SPOCK3: variants seen among roughly 807,000 people sequenced by gnomAD.
SPOCK3 encodes SPARC (osteonectin), cwcv and kazal like domains proteoglycan 3.
SPOCK3 carries 30 observed loss-of-function variants against 56.6 expected under a neutral mutation model. The ratio of observed to expected loss-of-function variants is 0.53; its 90% CI spans 0.40 to 0.72. The LOEUF is 0.72. Among genes scored for constraint, SPOCK3 ranks in the 30% least tolerant of loss-of-function variants. SPOCK3 has a pLI of 0.00. For synonymous variants in SPOCK3, 196 were observed against 183.3 expected (o/e 1.07, Z -0.56); for missense variants, 527 against 530.0 (o/e 0.99, Z 0.06).
At chr4:167,135,928 A>G (rs191736480) in intron 2 of SPOCK3, among the ~76,000 whole-genome samples, 3 of 152,266 alleles carry the variant, frequency 2.0e-5, no homozygotes, top group Admixed American at 1.3e-4. Context: ...CCTATGAAGA[A>G]TAGACCATTT....
intron 3 of SPOCK3, among the ~76,000 whole-genome samples, chr4:167,049,265 C>T (rs545510951): frequency 3.9e-5 from 6 of 151,982 alleles, no homozygotes; most frequent in African/African-American, 1.4e-4. Flanking sequence ...AAAAAAGGTT[C>T]AAAACTGAAT....
intron 2 of SPOCK3, among the ~76,000 whole-genome samples, chr4:167,217,288 A>T (rs1308068957): frequency 6.6e-6 from 1 of 151,996 alleles, no homozygotes; most frequent in Admixed American, 6.6e-5. Context: ...CATTCAACCA[A>T]CCACAGGCTG....
intron 2 of SPOCK3, among the ~76,000 whole-genome samples, chr4:167,160,931 C>A (rs1378692578): frequency 6.6e-6 from 1 of 152,018 alleles, no homozygotes; most frequent in Non-Finnish European, 1.5e-5. Flanking sequence ...GACCTAAAAC[C>A]ATAAAAATCC....
intron 5 of SPOCK3, among the ~76,000 whole-genome samples, chr4:166,892,658 C>G (rs991803770): frequency 2.6e-5 from 4 of 152,074 alleles, no homozygotes; most frequent in African/African-American, 9.6e-5. Flanking sequence ...GCTCATTAGT[C>G]TATAATTACC....
At chr4:166,753,432 T>A (rs770435363) in intron 8 of SPOCK3, among the ~76,000 whole-genome samples, 1 of 151,978 alleles carries the variant, frequency 6.6e-6, no homozygotes, top group Non-Finnish European at 1.5e-5. Context: ...ATACAGTAAA[T>A]GTATTTTTTA....
In SPOCK3 at chr4:166,737,461, C is replaced by T. The variant is rs1734328955; in HGVS notation, c.1132+6G>A. On this transcript the variant is annotated splice_donor_region_variant and intron_variant, in intron 10 of 10. Coordinates refer to ENST00000357545, the MANE Select transcript of SPOCK3 (RefSeq NM_001040159.2). Reference sequence around the variant, plus strand: ...AAATTATGAAATAAGTAACCCTTCTCCTTACCACAATCTGCAACACCATTT... The same window carrying T: ...AAATTATGAAATAAGTAACCCTTCTTCTTACCACAATCTGCAACACCATTT... 1 of 1,610,830 alleles carries T rather than the reference C, an allele frequency of 6.2e-7. No individual in the cohort carries two copies. Among genetic ancestry groups the T allele is most frequent in the African/African-American group, 1.3e-5 (1 of 74,834 alleles).
At chr4:167,135,680 CGTGTGTGTGTGTGTGTGT>C (rs57918767) in intron 2 of SPOCK3, among the ~76,000 whole-genome samples, 4 of 147,652 alleles carry the variant, frequency 2.7e-5, no homozygotes, top group Non-Finnish European at 6.0e-5. Context: ...CTATATAAAA[CGTGTGTGTGTGTGTGTGT>C]GTGTGTGTGT....
intron 4 of SPOCK3, among the ~76,000 whole-genome samples, chr4:166,986,289 G>T: frequency 6.6e-6 from 1 of 152,080 alleles, no homozygotes; most frequent in East Asian, 1.9e-4. Flanking sequence ...CTAGCATGTT[G>T]AAGTGTTACC....
At chr4:166,940,098 T>C (rs1297944789) in intron 4 of SPOCK3, among the ~76,000 whole-genome samples, 1 of 152,148 alleles carries the variant, frequency 6.6e-6, no homozygotes, top group Non-Finnish European at 1.5e-5. Context: ...ACCAAGTGTA[T>C]AAGTCACGCA....
At chr4:166,749,673 G>A (rs755521589) in intron 8 of SPOCK3, among the ~76,000 whole-genome samples, 12 of 152,000 alleles carry the variant, frequency 7.9e-5, no homozygotes, top group Non-Finnish European at 1.6e-4. Context: ...ATAATAAAAT[G>A]TAAAGAAAAC....
intron 2 of SPOCK3, among the ~76,000 whole-genome samples, chr4:167,066,642 C>T (rs960084147): frequency 3.3e-5 from 5 of 151,702 alleles, no homozygotes; most frequent in African/African-American, 9.7e-5. Flanking sequence ...TATTTAATGG[C>T]TATATAATAC....
chr4:167,204,218 G>T (rs1354935398), intron 2 of SPOCK3, among the ~76,000 whole-genome samples: 1 of 151,896 alleles, frequency 6.6e-6, no homozygotes, highest in Non-Finnish European at 1.5e-5. Context: ...AAGGAGGGTG[G>T]CTATCATAAA....
At chr4:166,766,889 A>G (rs1738155489) in intron 7 of SPOCK3, among the ~76,000 whole-genome samples, 1 of 152,090 alleles carries the variant, frequency 6.6e-6, no homozygotes, top group Non-Finnish European at 1.5e-5. Context: ...CTATTCAGGG[A>G]TTCAACTTCT....
intron 2 of SPOCK3, among the ~76,000 whole-genome samples, chr4:167,124,335 C>G (rs546988388): frequency 6.6e-6 from 1 of 152,326 alleles, no homozygotes; most frequent in Non-Finnish European, 1.5e-5. Context: ...TCTATCATCT[C>G]TATTCAATAT....
At chr4:166,869,230 A>T (rs564622359) in intron 6 of SPOCK3, among the ~76,000 whole-genome samples, 2 of 142,738 alleles carry the variant, frequency 1.4e-5, no homozygotes, top group Admixed American at 6.9e-5. Context: ...TAAATTGCTG[A>T]TATGTTGGTC....
intron 3 of SPOCK3, among the ~76,000 whole-genome samples, chr4:167,038,291 TTGACC>T (rs1218857144): frequency 2.5e-4 from 38 of 152,174 alleles, no homozygotes; most frequent in African/African-American, 8.9e-4. Context: ...TAAAAATGGT[TTGACC>T]AAAGAAAGAA....
intron 3 of SPOCK3, among the ~76,000 whole-genome samples, chr4:167,010,077 G>A (rs1188148059): frequency 6.6e-6 from 1 of 152,082 alleles, no homozygotes; most frequent in Non-Finnish European, 1.5e-5. Flanking sequence ...CAATAAGTGG[G>A]TGGGGGGAGT....
At chr4:167,226,119 A>G (rs1736571753) in intron 2 of SPOCK3, among the ~76,000 whole-genome samples, 1 of 152,168 alleles carries the variant, frequency 6.6e-6, no homozygotes, top group African/African-American at 2.4e-5. Flanking sequence ...CTATGACCAA[A>G]GCTCTACAGC....
At chr4:167,131,314 A>C (rs755946583) in intron 2 of SPOCK3, among the ~76,000 whole-genome samples, 2 of 152,192 alleles carry the variant, frequency 1.3e-5, no homozygotes, top group Non-Finnish European at 2.9e-5. Context: ...AGGACTGGGC[A>C]TGGTGGCTGA....
Sources: allele counts gnomAD v4.1 joint callset (sites outside exome capture counted in the v4.1 genomes callset), GRCh38; gene constraint gnomAD v4.1.1; transcripts MANE v1.5; gene names NCBI Gene and HGNC (gene_info 2026-07-23, HGNC 2026-07-21).